The following ICA1 variants were observed in gnomAD, a reference collection of about 807,000 sequenced individuals.
ICA1 encodes 69 kDa islet cell autoantigen.
ICA1 carries 40 observed loss-of-function variants against 71.0 expected under a neutral mutation model. The observed-to-expected ratio is 0.56, with a 90% CI of 0.44 to 0.73. ICA1 has a LOEUF of 0.73. ICA1 is among the 30% of genes least tolerant of loss of function. The pLI, the probability that ICA1 is intolerant of heterozygous loss-of-function variation, is 0.00. For missense variants in ICA1, 578 were observed against 576.5 expected, an observed-to-expected ratio of 1.00 and a Z score of -0.03; for synonymous variants, 207 against 209.5, an observed-to-expected ratio of 0.99 and a Z score of 0.10.
intron 1 of ICA1, among the ~76,000 whole-genome samples, chr7:8,260,111 C>T (rs1055310435): frequency 6.6e-6 from 1 of 152,106 alleles, no homozygotes; most frequent in Admixed American, 6.5e-5. Flanking sequence ...TAACTTCCTC[C>T]CTCTCTCGCA....
At chr7:8,260,202 A>G (rs1811758591) in intron 1 of ICA1, among the ~76,000 whole-genome samples, 1 of 152,104 alleles carries the variant, frequency 6.6e-6, no homozygotes. Flanking sequence ...AGACCTCCAT[A>G]CCGCTAATGC....
chr7:8,164,030 G>A (rs1020671939), intron 6 of ICA1, among the ~76,000 whole-genome samples: 1 of 151,948 alleles, frequency 6.6e-6, no homozygotes, highest in Non-Finnish European at 1.5e-5. Context: ...GATTTGGGCT[G>A]GGCTCAGTGG....
intron 6 of ICA1, among the ~76,000 whole-genome samples, chr7:8,179,586 G>A (rs929174960): frequency 1.3e-5 from 2 of 152,190 alleles, no homozygotes; most frequent in Non-Finnish European, 2.9e-5. Context: ...GTGGTGGGAT[G>A]AATCTGAAAA....
chr7:8,228,261 C>T (rs1799225659), intron 4 of ICA1, among the ~76,000 whole-genome samples: 1 of 151,390 alleles, frequency 6.6e-6, no homozygotes, highest in East Asian at 1.9e-4. Context: ...TTAAAAGGAA[C>T]AAAATTGGAT....
chr7:8,233,435 C>G (rs1351806761), intron 2 of ICA1, among the ~76,000 whole-genome samples: 1 of 150,686 alleles, frequency 6.6e-6, no homozygotes, highest in African/African-American at 2.5e-5. Context: ...CTCCTGTTGC[C>G]CAGACTGGAG....
intron 6 of ICA1, among the ~76,000 whole-genome samples, chr7:8,211,165 G>T (rs989781148): frequency 2.0e-5 from 3 of 152,300 alleles, no homozygotes; most frequent in East Asian, 3.9e-4. Context: ...ACCTCCCAGA[G>T]AACCCACAGC....
chr7:8,133,710 C>T (rs188358816), intron 12 of ICA1, among the ~76,000 whole-genome samples: 90 of 152,248 alleles, frequency 5.9e-4, no homozygotes, highest in Non-Finnish European at 1.1e-3. Flanking sequence ...CAGTCAAGCA[C>T]GAATGCAGCC....
intron 10 of ICA1, among the ~76,000 whole-genome samples, chr7:8,140,799 C>G (rs1049301159): frequency 1.3e-5 from 2 of 152,050 alleles, no homozygotes; most frequent in Non-Finnish European, 2.9e-5. Context: ...TGTTGAAAGG[C>G]AGATAGGAGA....
intron 6 of ICA1, among the ~76,000 whole-genome samples, chr7:8,200,613 T>C (rs1400521989): frequency 6.6e-6 from 1 of 152,176 alleles, no homozygotes; most frequent in Non-Finnish European, 1.5e-5. Context: ...ATGAGACCGA[T>C]GAGGTCTCAT....
chr7:8,256,709 G>A (rs1810344585), intron 1 of ICA1, among the ~76,000 whole-genome samples: 1 of 152,120 alleles, frequency 6.6e-6, no homozygotes, highest in Admixed American at 6.5e-5. Flanking sequence ...AATTACATCT[G>A]TATCTCCTGC....
intron 6 of ICA1, among the ~76,000 whole-genome samples, chr7:8,205,418 T>A (rs1447305572): frequency 6.6e-6 from 1 of 152,254 alleles, no homozygotes; most frequent in Non-Finnish European, 1.5e-5. Flanking sequence ...AGCCACATCC[T>A]CTGTGTTCCC....
At chr7:8,241,695 G>A (rs902931097) in intron 1 of ICA1, among the ~76,000 whole-genome samples, 1 of 152,078 alleles carries the variant, frequency 6.6e-6, no homozygotes, top group Non-Finnish European at 1.5e-5. Context: ...ACACACATAG[G>A]CTCAAAATAA....
chr7:8,220,339 T>C (rs949941005), intron 5 of ICA1, among the ~76,000 whole-genome samples: 1 of 152,206 alleles, frequency 6.6e-6, no homozygotes, highest in African/African-American at 2.4e-5. Context: ...CTCCTCTTTC[T>C]TGGGTTTTCA....
At chr7:8,169,878 G>A (rs963711162) in intron 6 of ICA1, among the ~76,000 whole-genome samples, 5 of 134,814 alleles carry the variant, frequency 3.7e-5, no homozygotes, top group African/African-American at 1.3e-4. Flanking sequence ...TTTTATGGTT[G>A]TGTGTGTGTG....
At chr7:8,152,724 A>AC in intron 8 of ICA1, among the ~76,000 whole-genome samples, 3 of 142,344 alleles carry the variant, frequency 2.1e-5, no homozygotes, top group East Asian at 2.1e-4. Context: ...CTCCTCCACC[A>AC]TCACCACCAC....
At chr7:8,255,419 GCTT>G (rs1478992152) in intron 1 of ICA1, among the ~76,000 whole-genome samples, 2 of 152,074 alleles carry the variant, frequency 1.3e-5, no homozygotes, top group Non-Finnish European at 2.9e-5. Flanking sequence ...TTCTTTGCTA[GCTT>G]CTTTTCCTCT....
chr7:8,154,097 AAGT>A (rs1219186920), intron 8 of ICA1, among the ~76,000 whole-genome samples: 1 of 152,106 alleles, frequency 6.6e-6, no homozygotes, highest in Non-Finnish European at 1.5e-5. Flanking sequence ...GTGTCAGTAA[AAGT>A]AGAATCAATA....
chr7:8,181,668 T>C (rs1359165423), intron 6 of ICA1, among the ~76,000 whole-genome samples: 3 of 152,198 alleles, frequency 2.0e-5, no homozygotes, highest in Non-Finnish European at 4.4e-5. Context: ...AGTTTTAGTA[T>C]AGAAGTCTCA....
At chr7:8,161,365 G>T (rs1314096609) in intron 6 of ICA1, among the ~76,000 whole-genome samples, 1 of 152,206 alleles carries the variant, frequency 6.6e-6, no homozygotes, top group African/African-American at 2.4e-5. Context: ...GATTAATGCT[G>T]GTGGTGGAAC....
Sources: gnomAD v4.1 joint callset for allele counts (sites outside exome capture counted in the v4.1 genomes callset) on GRCh38, gnomAD v4.1.1 for gene constraint, MANE v1.5 for transcripts, NCBI Gene and HGNC (gene_info 2026-07-23, HGNC 2026-07-21) for gene names.